The following CLTC variants were observed in gnomAD, a reference collection of about 807,000 sequenced individuals.
CLTC encodes the protein clathrin heavy chain 1.
CLTC carries 16 observed loss-of-function variants against 195.8 expected under a neutral mutation model. The ratio of observed to expected loss-of-function variants is 0.08; its 90% CI spans 0.06 to 0.12. The LOEUF (loss-of-function observed/expected upper bound fraction) is 0.12. Among genes scored for constraint, CLTC ranks in the 10% least tolerant of loss-of-function variants. CLTC has a pLI of 1.00. For missense variants in CLTC, 796 were observed against 2,027.0 expected, an observed-to-expected ratio of 0.39 and a Z score of 11.66; for synonymous variants, 667 against 689.4, an observed-to-expected ratio of 0.97 and a Z score of 0.51.
At chr17:59,665,220 C>G (rs531648335) in intron 10 of CLTC, among the ~76,000 whole-genome samples, 2 of 69,188 alleles carry the variant, frequency 2.9e-5, no homozygotes, top group South Asian at 1.0e-3. Flanking sequence ...GTGAGACTCT[C>G]AAAAAGAAAA....
In CLTC at chr17:59,685,175, C is replaced by T. The variant is rs2033157179; in HGVS notation, c.4554C>T (p.Asn1518=). The T allele has an allele frequency of 3.7e-6, 6 of 1,612,158 alleles. No individual in the cohort carries two copies. The highest frequency in any genetic ancestry group is 1.1e-5 in the South Asian group (1 of 90,904). ...RRIAAYLFKG[N]NRWKQSVELC... The stretch of plus-strand genomic sequence containing the variant: ...TTGCTGCTTATCTCTTCAAAGGCAA[C>T]AATCGCTGGAAACAGAGTGTAGAGC... The change falls in exon 29 of 32, where the codon AAC becomes AAT. Residue 1518 remains asparagine (N), a synonymous_variant. Coordinates refer to ENST00000269122, the MANE Select transcript of CLTC (RefSeq NM_004859.4). The surrounding 1 kb of genome is among the most constrained non-coding windows in gnomAD (Gnocchi z 5.0).
intron 5 of CLTC, among the ~76,000 whole-genome samples, chr17:59,654,032 C>G (rs538768031): frequency 9.3e-4 from 141 of 152,092 alleles, no homozygotes; most frequent in African/African-American, 3.2e-3. Context: ...CTTGGCCTCC[C>G]AAAGTGCTGG....
chr17:59,648,486 C>T lies in CLTC; in HGVS notation c.681+85C>T, dbSNP rs2032249965. 8.1e-7 allele frequency: 1 copy of T among 1,241,480 alleles called. No individual in the cohort carries two copies. Among genetic ancestry groups the T allele is most frequent in the Non-Finnish European group, 1.1e-6 (1 of 890,396 alleles). The allele number at this position is 1,241,480 out of a possible 1,614,324, so 76.9% of individuals were successfully genotyped here. ...ATTAGTCATCTAATTTCAAAATAGC[C>T]TTCTCCCTTCCTAAGTAATTTTAGT... On this transcript the variant is annotated intron_variant, in intron 4 of 31. Transcript: ENST00000269122. The surrounding 1 kb of genome is among the most constrained non-coding windows in gnomAD (Gnocchi z 4.5).
chr17:59,630,046 A>AG (rs1452517096), intron 1 of CLTC, among the ~76,000 whole-genome samples: 1 of 152,070 alleles, frequency 6.6e-6, no homozygotes, highest in Non-Finnish European at 1.5e-5. Flanking sequence ...CTCTGTCTCA[A>AG]GTGGAGTACA....
intron 8 of CLTC, 89 bp from the exon 9 acceptor site, chr17:59,663,753 T>C: frequency 9.5e-7 from 1 of 1,055,006 alleles, no homozygotes; most frequent in Non-Finnish European, 1.4e-6. Context: ...CCTTTCATAC[T>C]AGTTATTACT....
In CLTC at chr17:59,648,330, T is replaced by C; in HGVS notation, c.610T>C (p.Phe204Leu). The C allele has an allele frequency of 6.2e-7, 1 of 1,614,070 alleles. No individual in the cohort carries two copies. ...IEGHAASFAQFKMEGNAEEST... is the reference protein window; with the variant it reads ...IEGHAASFAQLKMEGNAEEST... ...AGGACATGCAGCTAGCTTTGCACAG[T>C]TTAAGATGGAAGGAAATGCAGAAGA... Residue 204 changes from phenylalanine to leucine, a missense_variant, in exon 4 of 32, where the codon TTT becomes CTT. Transcript: ENST00000269122. This position sits in a 1 kb window ranked among gnomAD's most constrained non-coding sequence, Gnocchi z 4.5.
intron 1 of CLTC, among the ~76,000 whole-genome samples, chr17:59,623,846 A>G (rs1304596494): frequency 1.3e-5 from 2 of 152,232 alleles, no homozygotes; most frequent in Non-Finnish European, 2.9e-5. Context: ...CTGAAAAACT[A>G]AATTTTTGCT....
At position 59,695,030 on chromosome 17, in the gene CLTC, G is replaced by A. The variant is rs1411267678; in HGVS notation, c.*1178G>A. 4 of 212,386 alleles carry A rather than the reference G, an allele frequency of 1.9e-5. No homozygotes were observed. Among genetic ancestry groups the A allele is most frequent in the East Asian group, 7.1e-5 (1 of 14,030 alleles). 13.2% of individuals were successfully genotyped at this position (212,386 alleles called of 1,614,324 possible). A position where few individuals can be genotyped will look rare whatever the true frequency, so the allele number is the denominator to read the frequency against. Reference sequence around the variant, plus strand: ...TCCAATATTTTAACCAAGTGACACCGAGGTTTTTATCGAAGCATTTCACTT... The same window carrying A: ...TCCAATATTTTAACCAAGTGACACCAAGGTTTTTATCGAAGCATTTCACTT... On this transcript the variant is annotated 3_prime_UTR_variant, in exon 32 of 32. Transcript: ENST00000269122.
intron 9 of CLTC, 114 bp downstream of exon 9, chr17:59,664,108 C>A: frequency 1.1e-6 from 1 of 893,778 alleles, no homozygotes; most frequent in Non-Finnish European, 1.6e-6. Flanking sequence ...TTTTGATTTA[C>A]TTTGAAATGT....
At chr17:59,646,879 C>T (rs1222046110) in intron 2 of CLTC, among the ~76,000 whole-genome samples, 20 of 152,164 alleles carry the variant, frequency 1.3e-4, no homozygotes, top group Admixed American at 1.0e-3. Flanking sequence ...ACTTCTCTTA[C>T]GTGCTAGTGG....
chr17:59,680,060 AAAAAAG>A (rs2033051898), intron 18 of CLTC, among the ~76,000 whole-genome samples: 1 of 152,118 alleles, frequency 6.6e-6, no homozygotes, highest in African/African-American at 2.4e-5. Context: ...AAACAAAAAG[AAAAAAG>A]AAAAAGAAAA....
intron 1 of CLTC, among the ~76,000 whole-genome samples, chr17:59,625,615 A>C (rs897974334): frequency 6.6e-5 from 10 of 152,104 alleles, no homozygotes; most frequent in African/African-American, 2.4e-4. Context: ...GGAATTCAAG[A>C]CCAGCCTGGG....
At position 59,694,355 on chromosome 17, in the gene CLTC, A is replaced by G; in HGVS notation, c.*503A>G. 1 of 223,984 alleles carries G rather than the reference A, an allele frequency of 4.5e-6. No homozygotes were observed. Among genetic ancestry groups the G allele is most frequent in the Admixed American group, 5.7e-5 (1 of 17,508 alleles). The allele number at this position is 223,984 out of a possible 1,614,324, so 13.9% of individuals were successfully genotyped here. The stretch of plus-strand genomic sequence containing the variant: ...CAACAAAGACAACACTAATCAGCAC[A>G]TCGTACACTGGATTGCAGTGCTTCC... On this transcript the variant is annotated 3_prime_UTR_variant, in exon 32 of 32. Coordinates refer to ENST00000269122, the MANE Select transcript of CLTC (RefSeq NM_004859.4).
In CLTC at chr17:59,661,496, G is replaced by A; in HGVS notation, c.1221G>A (p.Gln407=). The change falls in exon 8 of 32, where the codon CAG becomes CAA. Residue 407 remains glutamine, a synonymous_variant. Transcript: ENST00000269122. ...TIRRFQSVPA[Q]PGQTSPLLQY... Reference sequence around the variant, plus strand: ...GTCGGTTCCAGAGTGTCCCAGCCCAGCCAGGTCAAACTTCTCCTCTACTTC... The same window carrying A: ...GTCGGTTCCAGAGTGTCCCAGCCCAACCAGGTCAAACTTCTCCTCTACTTC... The A allele has an allele frequency of 1.2e-6, 2 of 1,614,096 alleles. No individual in the cohort carries two copies. Among genetic ancestry groups the A allele is most frequent in the African/African-American group, 1.3e-5 (1 of 75,034 alleles).
chr17:59,665,096 A>G lies in CLTC; in HGVS notation c.1644+187A>G, dbSNP rs149152118. Among the ~76,000 whole-genome samples the G allele has an allele frequency of 2.0e-5, 3 of 152,144 alleles. No homozygotes were observed. In the East Asian group the frequency reaches 5.8e-4, roughly 29 times the overall value. Reference sequence around the variant, plus strand: ...AAAAATCAGCTGCATGTGGTGGCACATGCCTGTCGCCCCAGCTACTCGGGT... The same window carrying G: ...AAAAATCAGCTGCATGTGGTGGCACGTGCCTGTCGCCCCAGCTACTCGGGT... On this transcript the variant is annotated intron_variant, in intron 10 of 31. Transcript: ENST00000269122.
chr17:59,640,214 C>T (rs2031988135), intron 1 of CLTC, among the ~76,000 whole-genome samples: 1 of 152,016 alleles, frequency 6.6e-6, no homozygotes, highest in Admixed American at 6.6e-5. Context: ...AGTGACTTGT[C>T]CTATTATTGT....
chr17:59,658,391 T>C (rs371892621), intron 6 of CLTC, among the ~76,000 whole-genome samples: 1 of 152,342 alleles, frequency 6.6e-6, no homozygotes, highest in African/African-American at 2.4e-5. Flanking sequence ...CCTTAAATAA[T>C]TTCATGACAC....
intron 1 of CLTC, among the ~76,000 whole-genome samples, chr17:59,641,630 G>A (rs1450403918): frequency 7.2e-5 from 9 of 125,556 alleles, no homozygotes; most frequent in South Asian, 3.1e-4. Flanking sequence ...AAAAAAAAGA[G>A]TTTGTCACTT....
chr17:59,636,180 C>T (rs2031855714), intron 1 of CLTC, among the ~76,000 whole-genome samples: 1 of 151,730 alleles, frequency 6.6e-6, no homozygotes, highest in African/African-American at 2.4e-5. Flanking sequence ...AGTCCCAGAA[C>T]TAGAAGTTCA....
Sources: gnomAD v4.1 joint callset for allele counts (sites outside exome capture counted in the v4.1 genomes callset) on GRCh38, gnomAD v4.1.1 for gene constraint, Gnocchi (gnomAD v3.1) non-coding constraint, MANE v1.5 for transcripts, NCBI Gene and HGNC (gene_info 2026-07-23, HGNC 2026-07-21) for gene names.